ZNF26: variants seen among roughly 807,000 people sequenced by gnomAD.
ZNF26 encodes the protein zinc finger protein 26, also known as epididymis luminal protein 179.
A neutral mutation model predicts 54.9 loss-of-function variants in ZNF26; 32 were observed. That is an observed-to-expected ratio of 0.58 (90% CI 0.44 to 0.78). The LOEUF (loss-of-function observed/expected upper bound fraction) is 0.78, where lower values mean the gene tolerates loss of function less well. Among genes scored for constraint, ZNF26 ranks in the 30% least tolerant of loss-of-function variants. ZNF26 has a pLI of 0.00. For synonymous variants in ZNF26, 221 were observed against 209.2 expected, an observed-to-expected ratio of 1.06 and a Z score of -0.49; for missense variants, 524 against 634.0, an observed-to-expected ratio of 0.83 and a Z score of 1.86.
chr12:133,022,736 CTG>C lies in ZNF26; in HGVS notation c.*11256_*11257del, dbSNP rs1189457083. 4 of 152,210 alleles carry C rather than the reference CTG, an allele frequency of 2.6e-5. No homozygotes were observed. Among genetic ancestry groups the C allele is most frequent in the South Asian group, 2.1e-4 (1 of 4,818 alleles). The allele number at this position is 152,210 out of a possible 1,614,324, so 9.4% of individuals were successfully genotyped here. ...ATAAAATATGCAACTATGAAATAAA[CTG>C]AATAAATTGAACAAGCTTGAACAAA... On this transcript the variant is annotated 3_prime_UTR_variant, in exon 4 of 4. Coordinates refer to ENST00000328654, the MANE Select transcript of ZNF26 (RefSeq NM_019591.4).
rs1042464591 is a variant in ZNF26, at chr12:133,021,948, G to T, written c.*10467G>T. On this transcript the variant is annotated 3_prime_UTR_variant, in exon 4 of 4. Transcript: ENST00000328654. The stretch of plus-strand genomic sequence containing the variant: ...AATCATTAAAAAGAGGCCAGGTGTG[G>T]TGACTCACGCCTGTAATCCCAGCAC... 1 of 152,120 alleles carries T rather than the reference G, an allele frequency of 6.6e-6. No homozygotes were observed. The allele number at this position is 152,120 out of a possible 1,614,324, so 9.4% of individuals were successfully genotyped here. A position where few individuals can be genotyped will look rare whatever the true frequency, so the allele number is the denominator to read the frequency against.
In ZNF26 at chr12:133,012,720, G is replaced by A. The variant is rs1953510140; in HGVS notation, c.*1239G>A. The A allele has an allele frequency of 2.0e-5, 3 of 149,512 alleles. No homozygotes were observed. The highest frequency in any genetic ancestry group is 6.8e-5 in the Admixed American group (1 of 14,744). 9.3% of individuals were successfully genotyped at this position (149,512 alleles called of 1,614,324 possible). Reference sequence around the variant, plus strand: ...CAATTTCCTTGCCTCAGCCTCCCAAGTGGCTAGGATTACATGCCTGGCTAA... The same window carrying A: ...CAATTTCCTTGCCTCAGCCTCCCAAATGGCTAGGATTACATGCCTGGCTAA... On this transcript the variant is annotated 3_prime_UTR_variant, in exon 4 of 4. Transcript: ENST00000328654.
intron 1 of ZNF26, among the ~76,000 whole-genome samples, chr12:132,997,214 C>T (rs945054683): frequency 2.0e-5 from 3 of 151,866 alleles, no homozygotes; most frequent in Non-Finnish European, 4.4e-5. Context: ...GAAGCCCACA[C>T]GGTAGATGAA....
intron 1 of ZNF26, chr12:133,005,140 C>T (rs1953295593): frequency 6.6e-6 from 1 of 152,138 alleles, no homozygotes; most frequent in African/African-American, 2.4e-5. Context: ...TATTATTTCT[C>T]TTATTTATAT....
At chr12:132,987,585 C>T (rs1456044347) in intron 1 of ZNF26, 5 of 446,470 alleles carry the variant, frequency 1.1e-5, no homozygotes, top group African/African-American at 8.5e-5. Context: ...GCTATACAGC[C>T]GGAGACTAGG....
At chr12:132,990,002 T>G (rs1952912657) in intron 1 of ZNF26, among the ~76,000 whole-genome samples, 1 of 152,102 alleles carries the variant, frequency 6.6e-6, no homozygotes, top group Non-Finnish European at 1.5e-5. Flanking sequence ...TGTCAGATTT[T>G]TTTTCTGGGC....
At position 133,026,107 on chromosome 12, in the gene ZNF26, CT is replaced by C. The variant is rs112566574; in HGVS notation, c.*14640del. On this transcript the variant is annotated 3_prime_UTR_variant, in exon 4 of 4. Transcript: ENST00000328654. ...GGAAACTATTAGATATAATAAGTCA[CT>C]TTTTTTTTTTTTTGAGATGCACTCT... 628 of 144,794 alleles carry C rather than the reference CT, an allele frequency of 4.3e-3. 3 individuals are homozygous for C. The highest frequency in any genetic ancestry group is 9.9e-3 in the African/African-American group (392 of 39,766). 9.0% of individuals were successfully genotyped at this position (144,794 alleles called of 1,614,324 possible).
chr12:132,987,332 T>G (rs1303697576), intron 1 of ZNF26, among the ~76,000 whole-genome samples: 1 of 152,064 alleles, frequency 6.6e-6, no homozygotes, highest in Non-Finnish European at 1.5e-5. Flanking sequence ...GAGCTTTGGT[T>G]TGGTGGAGAG....
intron 1 of ZNF26, 109 bp from the exon 2 acceptor site, chr12:133,006,933 A>T (rs938516624): frequency 7.5e-7 from 1 of 1,342,078 alleles, no homozygotes; most frequent in Non-Finnish European, 1.1e-6. Context: ...TGAACCAGCC[A>T]CAGGAAATAG....
At chr12:133,000,195 T>C (rs1417300858) in intron 1 of ZNF26, among the ~76,000 whole-genome samples, 1 of 152,076 alleles carries the variant, frequency 6.6e-6, no homozygotes, top group Non-Finnish European at 1.5e-5. Flanking sequence ...CTTTTGATCA[T>C]GCTAGGTCAA....
At chr12:133,000,117 T>C (rs1448075593) in intron 1 of ZNF26, among the ~76,000 whole-genome samples, 3 of 152,212 alleles carry the variant, frequency 2.0e-5, no homozygotes, top group Admixed American at 2.0e-4. Context: ...CATAATCTCT[T>C]GTGAAATTTT....
In ZNF26 at chr12:133,015,500, A is replaced by C. The variant is rs1953555256; in HGVS notation, c.*4019A>C. On this transcript the variant is annotated 3_prime_UTR_variant, in exon 4 of 4. Coordinates refer to ENST00000328654, the MANE Select transcript of ZNF26 (RefSeq NM_019591.4). Reference sequence around the variant, plus strand: ...AAAGAATAAGAAAGAGAACTAAAAAATGAAAAAAAATAAGATGCTTTCCTA... The same window carrying C: ...AAAGAATAAGAAAGAGAACTAAAAACTGAAAAAAAATAAGATGCTTTCCTA... 2 of 150,252 alleles carry C rather than the reference A, an allele frequency of 1.3e-5. No individual in the cohort carries two copies. Among genetic ancestry groups the C allele is most frequent in the African/African-American group, 4.9e-5 (2 of 40,726 alleles). 9.3% of individuals were successfully genotyped at this position (150,252 alleles called of 1,614,324 possible). A position where few individuals can be genotyped will look rare whatever the true frequency, so the allele number is the denominator to read the frequency against.
At position 133,021,948 on chromosome 12, in the gene ZNF26, G is replaced by C. The variant is rs1042464591; in HGVS notation, c.*10467G>C. The C allele has an allele frequency of 6.6e-6, 1 of 152,120 alleles. No homozygotes were observed. The highest frequency in any genetic ancestry group is 1.5e-5 in the Non-Finnish European group (1 of 68,036). 9.4% of individuals were successfully genotyped at this position (152,120 alleles called of 1,614,324 possible). ...AATCATTAAAAAGAGGCCAGGTGTGGTGACTCACGCCTGTAATCCCAGCAC... is the reference window on the plus strand; with the variant it reads ...AATCATTAAAAAGAGGCCAGGTGTGCTGACTCACGCCTGTAATCCCAGCAC... On this transcript the variant is annotated 3_prime_UTR_variant, in exon 4 of 4. Coordinates refer to ENST00000328654, the MANE Select transcript of ZNF26 (RefSeq NM_019591.4).
At position 133,023,952 on chromosome 12, in the gene ZNF26, C is replaced by T. The variant is rs1303430260; in HGVS notation, c.*12471C>T. Reference sequence around the variant, plus strand: ...ATTACATAAAGAGATGCTTGTTCAGCCCCATATGCTCCCGTTCCATGCCTT... The same window carrying T: ...ATTACATAAAGAGATGCTTGTTCAGTCCCATATGCTCCCGTTCCATGCCTT... On this transcript the variant is annotated 3_prime_UTR_variant, in exon 4 of 4. Transcript: ENST00000328654. 2.0e-5 allele frequency: 3 copies of T among 152,218 alleles called. No homozygotes were observed. Among genetic ancestry groups the T allele is most frequent in the African/African-American group, 7.2e-5 (3 of 41,442 alleles). The allele number at this position is 152,218 out of a possible 1,614,324, so 9.4% of individuals were successfully genotyped here.
At position 133,012,581 on chromosome 12, in the gene ZNF26, T is replaced by TTTTTG. The variant is rs1953503124; in HGVS notation, c.*1104_*1105insGTTTT. ...TCTTTTGCTTTTTGTTGTTTGGGTT[T>TTTTTG]TTTTTTTTTTTTTTTTTTTTTTTTT... On this transcript the variant is annotated 3_prime_UTR_variant, in exon 4 of 4. Coordinates refer to ENST00000328654, the MANE Select transcript of ZNF26 (RefSeq NM_019591.4). 1 of 105,062 alleles carries TTTTTG rather than the reference T, an allele frequency of 9.5e-6. No homozygotes were observed. Among genetic ancestry groups the TTTTTG allele is most frequent in the African/African-American group, 4.1e-5 (1 of 24,616 alleles). The allele number at this position is 105,062 out of a possible 1,614,324, so 6.5% of individuals were successfully genotyped here.
Position 133,026,519 on chromosome 12 carries a change from C to CTTTTTTTTT in ZNF26, c.*15055_*15063dup, listed in dbSNP as rs77349696. ...AAAAGGACAACTTCATATAGTTCAA[C>CTTTTTTTTT]TTTTTTTTTTTTTTTTTTTTTTTTT... On this transcript the variant is annotated 3_prime_UTR_variant, in exon 4 of 4. Coordinates refer to ENST00000328654, the MANE Select transcript of ZNF26 (RefSeq NM_019591.4). 1 of 122,466 alleles carries CTTTTTTTTT rather than the reference C, an allele frequency of 8.2e-6. No individual in the cohort carries two copies. The highest frequency in any genetic ancestry group is 3.6e-5 in the African/African-American group (1 of 27,484). The allele number at this position is 122,466 out of a possible 1,614,324, so 7.6% of individuals were successfully genotyped here. A position where few individuals can be genotyped will look rare whatever the true frequency, so the allele number is the denominator to read the frequency against.
At chr12:132,990,720 A>G (rs2137210461) in intron 1 of ZNF26, among the ~76,000 whole-genome samples, 1 of 152,186 alleles carries the variant, frequency 6.6e-6, no homozygotes, top group Admixed American at 6.5e-5. Context: ...TTTTTGATTC[A>G]ATTTAGGCTT....
rs1953694322 is a variant in ZNF26, at chr12:133,025,673, G to GTAATCCCT, written c.*14192_*14193insTAATCCCT. ...GCAGCAGAAATAGGCCAGGTGCAGT[G>GTAATCCCT]GCTCATACCTGTAATCCCAGAGCTT... On this transcript the variant is annotated 3_prime_UTR_variant, in exon 4 of 4. Coordinates refer to ENST00000328654, the MANE Select transcript of ZNF26 (RefSeq NM_019591.4). 6.6e-6 allele frequency: 1 copy of GTAATCCCT among 152,268 alleles called. No homozygotes were observed. Among genetic ancestry groups the GTAATCCCT allele is most frequent in the South Asian group, 2.1e-4 (1 of 4,830 alleles). The allele number at this position is 152,268 out of a possible 1,614,324, so 9.4% of individuals were successfully genotyped here. A position where few individuals can be genotyped will look rare whatever the true frequency, so the allele number is the denominator to read the frequency against.
chr12:132,986,768 A>G lies in ZNF26; in HGVS notation c.-73A>G. 1 of 1,517,296 alleles carries G rather than the reference A, an allele frequency of 6.6e-7. No individual in the cohort carries two copies. Among genetic ancestry groups the G allele is most frequent in the African/African-American group, 1.4e-5 (1 of 72,624 alleles). 94.0% of individuals were successfully genotyped at this position (1,517,296 alleles called of 1,614,324 possible). ...TGGTCCCGCACCTGTCTTCGGGCGGACGCATCCCTCACGGTCTCTCCGCAG... is the reference window on the plus strand; with the variant it reads ...TGGTCCCGCACCTGTCTTCGGGCGGGCGCATCCCTCACGGTCTCTCCGCAG... On this transcript the variant is annotated 5_prime_UTR_variant, in exon 1 of 4. Transcript: ENST00000328654.
Sources: allele counts gnomAD v4.1 joint callset (sites outside exome capture counted in the v4.1 genomes callset), GRCh38; gene constraint gnomAD v4.1.1; transcripts MANE v1.5; gene names NCBI Gene and HGNC (gene_info 2026-07-23, HGNC 2026-07-21).